Variants in MOV10 observed in about 807,000 individuals in gnomAD.
MOV10 encodes the protein RNA helicase MOV-10.
In MOV10, 39 loss-of-function variants were observed where a neutral mutation model predicts 108.4. That is an observed-to-expected ratio of 0.36 (90% CI 0.28 to 0.47). MOV10 has a LOEUF of 0.47. MOV10 is among the 20% of genes least tolerant of loss of function. The probability of loss-of-function intolerance (pLI) is 1.00; values close to 1 mark genes in which losing one functional copy is unlikely to be tolerated. For synonymous variants in MOV10, 490 were observed against 523.1 expected (o/e 0.94, Z 0.86); for missense variants, 952 against 1,297.6 (o/e 0.73, Z 4.09).
At chr1:112,676,011 A>G (rs372319123) in intron 2 of MOV10, among the ~76,000 whole-genome samples, 2 of 144,704 alleles carry the variant, frequency 1.4e-5, no homozygotes, top group African/African-American at 4.9e-5. Context: ...CAGAAGTGTG[A>G]TTTGGGGTGG....
rs1403118503 is a variant in MOV10, at chr1:112,690,185, C to A, written c.836+87C>A. On this transcript the variant is annotated intron_variant, in intron 5 of 20. Coordinates refer to ENST00000369645, the MANE Select transcript of MOV10 (RefSeq NM_001321324.2). The stretch of plus-strand genomic sequence containing the variant: ...TTTGGGAAGAGCACAGAGCTGGGAG[C>A]CAGAGCCCTTTTCCTACAGGCTCTT... 3.3e-6 allele frequency: 5 copies of A among 1,499,276 alleles called. No homozygotes were observed. In the Admixed American group the frequency reaches 8.6e-5, roughly 26 times the overall value. 92.9% of individuals were successfully genotyped at this position (1,499,276 alleles called of 1,614,324 possible).
At chr1:112,692,694 G>C (rs1319455624) in intron 6 of MOV10, 67 bp from the exon 7 acceptor site, 1 of 1,583,238 alleles carries the variant, frequency 6.3e-7, no homozygotes, top group African/African-American at 1.3e-5. Flanking sequence ...GGATACTCCT[G>C]GGCATAGGGG....
intron 2 of MOV10, among the ~76,000 whole-genome samples, chr1:112,685,649 G>C (rs572597365): frequency 1.2e-5 from 1 of 84,674 alleles, no homozygotes; most frequent in Non-Finnish European, 2.3e-5. Context: ...GCAAGATTCC[G>C]TCTCAATAAA....
chr1:112,692,469 G>C (rs996179621), intron 6 of MOV10, among the ~76,000 whole-genome samples: 8 of 152,224 alleles, frequency 5.3e-5, no homozygotes, highest in Non-Finnish European at 1.2e-4. Context: ...ATTTGAATGA[G>C]GTGAGGGTGG....
rs946514563 is a variant in MOV10 at position 112,695,551 on chromosome 1, C to T, written c.1756C>T (p.Arg586Cys). ...CCTCCTGGCCCCCAGCAGGGACATC[C>T]GCATGGTACCTGAGGACATCAAGGT... ...YRLLAPSRDI[R>C]MVPEDIKPCC... The change falls in exon 11 of 21, where the codon CGC (arginine) becomes TGC (cysteine). Residue 586 changes from arginine (R) to cysteine (C), a missense_variant. Physicochemically the swap from Arg to Cys is radical, Grantham distance 180. This residue lies in a region of MOV10 where 453 missense variants were observed against 611.5 expected (regional missense o/e 0.74). Coordinates refer to ENST00000369645, the MANE Select transcript of MOV10 (RefSeq NM_001321324.2). 3.7e-6 allele frequency: 6 copies of T among 1,613,930 alleles called. No individual in the cohort carries two copies. Among genetic ancestry groups the T allele is most frequent in the East Asian group, 4.5e-5 (2 of 44,886 alleles).
intron 2 of MOV10, chr1:112,687,155 T>C: frequency 2.6e-6 from 1 of 380,012 alleles, no homozygotes; most frequent in Non-Finnish European, 5.2e-6. Flanking sequence ...GTACTACTAT[T>C]TCTACTAATA....
In MOV10 at chr1:112,693,222, A is replaced by T. The variant is rs116194843; in HGVS notation, c.1140+293A>T. Reference sequence around the variant, plus strand: ...CAGAGCTGGACTGGATAATTCTTAGAGCTCTTTCTGGCTCTTGGATTTTCA... The same window carrying T: ...CAGAGCTGGACTGGATAATTCTTAGTGCTCTTTCTGGCTCTTGGATTTTCA... On this transcript the variant is annotated intron_variant, in intron 7 of 20. Coordinates refer to ENST00000369645, the MANE Select transcript of MOV10 (RefSeq NM_001321324.2). Among the ~76,000 whole-genome samples, 702 of 152,286 alleles carry T rather than the reference A, an allele frequency of 4.6e-3. 3 individuals are homozygous for T. Among genetic ancestry groups the T allele is most frequent in the African/African-American group, 0.015 (628 of 41,554 alleles).
In MOV10 at chr1:112,675,170, GC is replaced by G; in HGVS notation, c.137+123del. 1 of 1,197,506 alleles carries G rather than the reference GC, an allele frequency of 8.4e-7. No homozygotes were observed. The highest frequency in any genetic ancestry group is 1.1e-6 in the Non-Finnish European group (1 of 885,650). 74.2% of individuals were successfully genotyped at this position (1,197,506 alleles called of 1,614,324 possible). On this transcript the variant is annotated intron_variant, in intron 2 of 20. Coordinates refer to ENST00000369645, the MANE Select transcript of MOV10 (RefSeq NM_001321324.2). The surrounding 1 kb of genome is among the most constrained non-coding windows in gnomAD (Gnocchi z 4.7). ...GGACGCAGCTCCCCCAGCGGCTCAG[GC>G]CAGTCCCGGGGCGGCGCAGACCTCC...
At chr1:112,678,241 C>G (rs1672351495) in intron 2 of MOV10, among the ~76,000 whole-genome samples, 1 of 151,912 alleles carries the variant, frequency 6.6e-6, no homozygotes, top group African/African-American at 2.4e-5. Context: ...TAAGTGGTAC[C>G]CCTCATTAGT....
intron 2 of MOV10, chr1:112,684,921 C>T (rs1211178056): frequency 2.0e-5 from 3 of 152,118 alleles, no homozygotes; most frequent in African/African-American, 7.2e-5. Context: ...AGCCCTTTGC[C>T]TGTCATCTGC....
In MOV10 at chr1:112,694,906, G is replaced by A; in HGVS notation, c.1620+10G>A. The A allele has an allele frequency of 1.2e-6, 2 of 1,613,062 alleles. No individual in the cohort carries two copies. The highest frequency in any genetic ancestry group is 1.7e-6 in the Non-Finnish European group (2 of 1,179,376). ...GGAGGCAATTAAGCAGGTGGGGTCT[G>A]AGCACAAACCTGGGGCCTGCACTCT... On this transcript the variant is annotated intron_variant, in intron 10 of 20. Coordinates refer to ENST00000369645, the MANE Select transcript of MOV10 (RefSeq NM_001321324.2). This position sits in a 1 kb window ranked among gnomAD's most constrained non-coding sequence, Gnocchi z 4.1.
intron 14 of MOV10, 42 bp from the exon 15 acceptor site, chr1:112,697,952 A>T: frequency 6.5e-7 from 1 of 1,539,800 alleles, no homozygotes; most frequent in Non-Finnish European, 9.0e-7. Flanking sequence ...GGGCAGAGGG[A>T]ATCTGACCCT....
At chr1:112,696,373 A>G (rs540536178) in intron 12 of MOV10, 64 bp from the exon 13 acceptor site, 20 of 1,469,194 alleles carry the variant, frequency 1.4e-5, no homozygotes, top group Non-Finnish European at 1.9e-5. Context: ...CCAGCCTGGG[A>G]AAGCATTCAG....
At chr1:112,700,066 C>G in intron 19 of MOV10, 84 bp downstream of exon 19, 1 of 1,582,180 alleles carries the variant, frequency 6.3e-7, no homozygotes, top group Non-Finnish European at 8.7e-7. Flanking sequence ...GCTTGCTTAT[C>G]GCTCAGTTAA....
Position 112,675,099 on chromosome 1 carries a change from C to A in MOV10, c.137+50C>A. On this transcript the variant is annotated intron_variant, in intron 2 of 20. Transcript: ENST00000369645. The surrounding 1 kb of genome is among the most constrained non-coding windows in gnomAD (Gnocchi z 4.7). ...CCGAATCGCGGGCCCAGCTTGCTGC[C>A]ACGACCCCCGCGCGAGGGCCACCTT... is the stretch of plus-strand genomic sequence containing the variant. 1 of 1,565,458 alleles carries A rather than the reference C, an allele frequency of 6.4e-7. No homozygotes were observed. The highest frequency in any genetic ancestry group is 1.2e-5 in the South Asian group (1 of 86,244).
rs1673864790 is a variant in MOV10, at chr1:112,694,366, G to A, written c.1296-87G>A. The A allele has an allele frequency of 6.5e-7, 1 of 1,545,668 alleles. No individual in the cohort carries two copies. Among genetic ancestry groups the A allele is most frequent in the Admixed American group, 1.7e-5 (1 of 58,646 alleles). On this transcript the variant is annotated intron_variant, in intron 8 of 20. Coordinates refer to ENST00000369645, the MANE Select transcript of MOV10 (RefSeq NM_001321324.2). This position sits in a 1 kb window ranked among gnomAD's most constrained non-coding sequence, Gnocchi z 4.1. ...ATAGAGGTCTTGGAAAGAGGGGTTGGGACACTGGTTGGTGGAGAAAGTTCT... is the reference window on the plus strand; with the variant it reads ...ATAGAGGTCTTGGAAAGAGGGGTTGAGACACTGGTTGGTGGAGAAAGTTCT...
chr1:112,696,176 G>A lies in MOV10; in HGVS notation c.1808G>A (p.Gly603Glu). ...KPCCNWDAKK[G>E]EYVFPAKKKL... ...TGCTGCAACTGGGACGCAAAGAAGG[G>A]GGAGTATGTATTTCCCGCCAAGAAG... is the stretch of plus-strand genomic sequence containing the variant. The change falls in exon 12 of 21, where the codon GGG (glycine) becomes GAG (glutamate). Residue 603 changes from glycine (G) to glutamate (E), a missense_variant. This residue lies in a region of MOV10 where 453 missense variants were observed against 611.5 expected (regional missense o/e 0.74). Coordinates refer to ENST00000369645, the MANE Select transcript of MOV10 (RefSeq NM_001321324.2). 6.2e-7 allele frequency: 1 copy of A among 1,613,914 alleles called. No homozygotes were observed. The highest frequency in any genetic ancestry group is 1.3e-5 in the African/African-American group (1 of 75,028).
chr1:112,697,762 TG>T, intron 14 of MOV10: 1 of 490,480 alleles, frequency 2.0e-6, no homozygotes, highest in East Asian at 3.4e-5. Context: ...TAGTTTTAAA[TG>T]TCATGGGTCT....
At position 112,698,497 on chromosome 1, in the gene MOV10, A is replaced by G; in HGVS notation, c.2508+19A>G. On this transcript the variant is annotated intron_variant, in intron 16 of 20. Coordinates refer to ENST00000369645, the MANE Select transcript of MOV10 (RefSeq NM_001321324.2). ...GAAACAGGTCAGGTCCTCAGTTACC[A>G]GCAAGGGTGGGGCCCCTCCCCCAGA... 6.2e-7 allele frequency: 1 copy of G among 1,611,494 alleles called. No homozygotes were observed. Among genetic ancestry groups the G allele is most frequent in the Non-Finnish European group, 8.5e-7 (1 of 1,178,878 alleles).
Sources: gnomAD v4.1 joint callset for allele counts (sites outside exome capture counted in the v4.1 genomes callset) on GRCh38, gnomAD v4.1.1 for gene constraint, gnomAD v4.1.1 regional missense constraint, Gnocchi (gnomAD v3.1) non-coding constraint, MANE v1.5 for transcripts, NCBI Gene and HGNC (gene_info 2026-07-23, HGNC 2026-07-21) for gene names.